NETO2: variants seen among roughly 807,000 people sequenced by gnomAD.
NETO2 encodes neuropilin and tolloid-like protein 2.
In NETO2, 28 loss-of-function variants were observed where a neutral mutation model predicts 62.5. That is an observed-to-expected ratio of 0.45 (90% CI 0.33 to 0.61). NETO2 has a LOEUF of 0.61. Among genes scored for constraint, NETO2 ranks in the 20% least tolerant of loss-of-function variants. The pLI, the probability that NETO2 is intolerant of heterozygous loss-of-function variation, is 0.02. For synonymous variants in NETO2, 214 were observed against 219.1 expected (o/e 0.98, Z 0.21); for missense variants, 548 against 643.2 (o/e 0.85, Z 1.60).
chr16:47,098,257 T>A (rs1032526036), intron 7 of NETO2, among the ~76,000 whole-genome samples: 2 of 152,130 alleles, frequency 1.3e-5, no homozygotes, highest in Non-Finnish European at 1.5e-5. Flanking sequence ...TCTAACCCAA[T>A]GCAAGGAAGC....
chr16:47,080,571 T>C lies in NETO2; in HGVS notation c.*2650A>G, dbSNP rs1185161367. The stretch of plus-strand genomic sequence containing the variant: ...AATGCCTAAGATTTATTAGTTCCAT[T>C]CTTACCTCTTCCAAAAGCATAGAGA... On this transcript the variant is annotated 3_prime_UTR_variant, in exon 9 of 9. Transcript: ENST00000562435. The C allele has an allele frequency of 6.6e-6, 1 of 152,230 alleles. No homozygotes were observed. The highest frequency in any genetic ancestry group is 2.4e-5 in the African/African-American group (1 of 41,454). 9.4% of individuals were successfully genotyped at this position (152,230 alleles called of 1,614,324 possible). A position where few individuals can be genotyped will look rare whatever the true frequency, so the allele number is the denominator to read the frequency against.
In NETO2 at chr16:47,078,156, T is replaced by C. The variant is rs1963010263; in HGVS notation, c.*5065A>G. The C allele has an allele frequency of 1.3e-5, 2 of 152,218 alleles. No homozygotes were observed. Among genetic ancestry groups the C allele is most frequent in the Admixed American group, 6.5e-5 (1 of 15,278 alleles). The allele number at this position is 152,218 out of a possible 1,614,324, so 9.4% of individuals were successfully genotyped here. On this transcript the variant is annotated 3_prime_UTR_variant, in exon 9 of 9. Transcript: ENST00000562435. ...TAAAATGGTTCTAAGTGTAATAAAA[T>C]AAAGTTGCCCTTATCATAACTAGGA... is the stretch of plus-strand genomic sequence containing the variant.
chr16:47,083,540 T>C lies in NETO2; in HGVS notation c.1259A>G (p.Asp420Gly). The C allele has an allele frequency of 5.6e-6, 9 of 1,614,212 alleles. No individual in the cohort carries two copies. The highest frequency in any genetic ancestry group is 6.8e-6 in the Non-Finnish European group (8 of 1,180,040). ...ADLADLSEEL[D>G]NYQKMRRSST... ...GGAGCGCCGCATCTTCTGGTAGTTG[T>C]CCAATTCTTCCGACAAGTCTGCCAG... Residue 420 changes from aspartate to glycine, a missense_variant, in exon 9 of 9, where the codon GAC (aspartate) becomes GGC (glycine). Transcript: ENST00000562435.
At chr16:47,123,039 T>C (rs1475142757) in intron 4 of NETO2, 127 bp from the exon 5 acceptor site, 3 of 833,218 alleles carry the variant, frequency 3.6e-6, no homozygotes, top group African/African-American at 3.4e-5. Context: ...GAAAACTACA[T>C]ATCATTGGTC....
intron 1 of NETO2, among the ~76,000 whole-genome samples, chr16:47,138,889 C>G (rs1297102087): frequency 1.3e-5 from 2 of 152,340 alleles, no homozygotes; most frequent in Middle Eastern, 3.4e-3. Context: ...TCCCATCACT[C>G]AAAACACATC....
rs1436478777 is a variant in NETO2 at position 47,079,928 on chromosome 16, T to G, written c.*3293A>C. 1 of 152,220 alleles carries G rather than the reference T, an allele frequency of 6.6e-6. No individual in the cohort carries two copies. Among genetic ancestry groups the G allele is most frequent in the Non-Finnish European group, 1.5e-5 (1 of 68,040 alleles). 9.4% of individuals were successfully genotyped at this position (152,220 alleles called of 1,614,324 possible). A position where few individuals can be genotyped will look rare whatever the true frequency, so the allele number is the denominator to read the frequency against. ...CCCCTCTCATCAGTGAACACACTCC[T>G]CAAACAGGGAAGCATTCTTCTCATC... is the stretch of plus-strand genomic sequence containing the variant. On this transcript the variant is annotated 3_prime_UTR_variant, in exon 9 of 9. Coordinates refer to ENST00000562435, the MANE Select transcript of NETO2 (RefSeq NM_018092.5).
At chr16:47,135,502 C>T (rs1164636508) in intron 1 of NETO2, among the ~76,000 whole-genome samples, 1 of 152,052 alleles carries the variant, frequency 6.6e-6, no homozygotes, top group Non-Finnish European at 1.5e-5. Context: ...AGGTAATGTC[C>T]ACCATTTATG....
rs1480652283 is a variant in NETO2 at position 47,077,794 on chromosome 16, T to G, written c.*5427A>C. On this transcript the variant is annotated 3_prime_UTR_variant, in exon 9 of 9. Coordinates refer to ENST00000562435, the MANE Select transcript of NETO2 (RefSeq NM_018092.5). ...CAAAGTAAAATTGCTCTGTAACAAT[T>G]TACAGAGACAGACCAGTGGTAAACC... 2 of 152,226 alleles carry G rather than the reference T, an allele frequency of 1.3e-5. No homozygotes were observed. Among genetic ancestry groups the G allele is most frequent in the Non-Finnish European group, 2.9e-5 (2 of 68,044 alleles). The allele number at this position is 152,226 out of a possible 1,614,324, so 9.4% of individuals were successfully genotyped here.
intron 6 of NETO2, among the ~76,000 whole-genome samples, chr16:47,113,667 C>A (rs1963849479): frequency 1.4e-5 from 2 of 146,280 alleles, no homozygotes; most frequent in South Asian, 4.4e-4. Context: ...TCTTGGCTCA[C>A]TGCAACCTCC....
intron 4 of NETO2, among the ~76,000 whole-genome samples, chr16:47,127,257 G>C (rs1964175390): frequency 6.6e-6 from 1 of 152,164 alleles, no homozygotes; most frequent in Admixed American, 6.5e-5. Context: ...ATCTGTTTCT[G>C]CATTAGGGAT....
At chr16:47,134,368 C>A (rs988822112) in intron 1 of NETO2, among the ~76,000 whole-genome samples, 6 of 152,026 alleles carry the variant, frequency 3.9e-5, no homozygotes, top group African/African-American at 1.4e-4. Context: ...GAAGATCTCA[C>A]GTTATGCTGA....
chr16:47,095,402 T>C (rs1221268885), intron 7 of NETO2, among the ~76,000 whole-genome samples: 2 of 152,146 alleles, frequency 1.3e-5, no homozygotes, highest in African/African-American at 2.4e-5. Flanking sequence ...AAAGAAGAGA[T>C]TGCAGAATTG....
intron 7 of NETO2, among the ~76,000 whole-genome samples, chr16:47,088,688 C>T (rs2143811241): frequency 6.6e-6 from 1 of 152,118 alleles, no homozygotes; most frequent in South Asian, 2.1e-4. Context: ...TTAAAAACAG[C>T]CACGAGCATT....
chr16:47,094,789 GC>G (rs1219769061), intron 7 of NETO2, among the ~76,000 whole-genome samples: 2 of 152,146 alleles, frequency 1.3e-5, no homozygotes. Context: ...TGCAATCTTA[GC>G]TCACTCCAAC....
chr16:47,115,785 G>T lies in NETO2; in HGVS notation c.655-6074C>A, dbSNP rs142232263. ...TGGGTTTCGTCAGGTTGCCCAGGCT[G>T]GTCTTGAACTCCTGAGTTCAAGCAA... On this transcript the variant is annotated intron_variant, in intron 6 of 8. Transcript: ENST00000562435. Among the ~76,000 whole-genome samples the T allele has an allele frequency of 2.0e-4, 30 of 147,598 alleles. No homozygotes were observed. The East Asian group carries it at 5.9e-3, about 29-fold the overall frequency.
intron 2 of NETO2, 50 bp from the exon 3 acceptor site, chr16:47,129,414 T>C: frequency 6.3e-7 from 1 of 1,582,982 alleles, no homozygotes; most frequent in Non-Finnish European, 8.6e-7. Context: ...AAGAGAATCA[T>C]TCTTCTCTTT....
intron 1 of NETO2, among the ~76,000 whole-genome samples, chr16:47,132,702 G>C (rs1277023337): frequency 2.0e-5 from 3 of 152,192 alleles, no homozygotes; most frequent in Non-Finnish European, 4.4e-5. Context: ...CCTTTCAAAG[G>C]AAACCACACT....
intron 1 of NETO2, among the ~76,000 whole-genome samples, chr16:47,137,891 T>C (rs1240513819): frequency 5.3e-5 from 8 of 152,108 alleles, no homozygotes; most frequent in Admixed American, 5.2e-4. Flanking sequence ...AAGCTGGACA[T>C]AGGGAGTCAA....
chr16:47,090,477 A>G (rs1963289827), intron 7 of NETO2, among the ~76,000 whole-genome samples: 1 of 152,234 alleles, frequency 6.6e-6, no homozygotes, highest in African/African-American at 2.4e-5. Flanking sequence ...AAAAAAAGAC[A>G]GCAAAAATAG....
Sources: gnomAD v4.1 joint callset for allele counts (sites outside exome capture counted in the v4.1 genomes callset) on GRCh38, gnomAD v4.1.1 for gene constraint, MANE v1.5 for transcripts, NCBI Gene and HGNC (gene_info 2026-07-23, HGNC 2026-07-21) for gene names.